Variants in ADIPOR1 observed in about 807,000 individuals in gnomAD.
ADIPOR1 encodes adiponectin receptor 1.
ADIPOR1 carries 15 observed loss-of-function variants against 37.5 expected under a neutral mutation model. The observed-to-expected ratio is 0.40, with a 90% CI of 0.27 to 0.62. The LOEUF (loss-of-function observed/expected upper bound fraction) is 0.62. Among genes scored for constraint, ADIPOR1 ranks in the 20% least tolerant of loss-of-function variants. ADIPOR1 has a pLI of 0.42. For missense variants in ADIPOR1, 286 were observed against 478.0 expected (o/e 0.60, Z 3.75); for synonymous variants, 173 against 173.2 (o/e 1.00, Z 0.01).
At chr1:202,944,430 C>G (rs903002855) in intron 5 of ADIPOR1, 7 of 154,148 alleles carry the variant, frequency 4.5e-5, no homozygotes, top group African/African-American at 1.7e-4. Flanking sequence ...TTAGAAAAAA[C>G]AAAATAATAC....
rs1248432262 is a variant in ADIPOR1, at chr1:202,941,335, T to C, written c.*238A>G. ...ACTGTCTCTGTGAGGGGCCGGTAGA[T>C]GCCTTGCTGAGGAGGGGATGGCTAA... is the stretch of plus-strand genomic sequence containing the variant. On this transcript the variant is annotated 3_prime_UTR_variant, in exon 8 of 8. Transcript: ENST00000340990. The C allele has an allele frequency of 2.8e-6, 1 of 360,624 alleles. No individual in the cohort carries two copies. The highest frequency in any genetic ancestry group is 5.0e-6 in the Non-Finnish European group (1 of 201,766). The allele number at this position is 360,624 out of a possible 1,614,324, so 22.3% of individuals were successfully genotyped here.
chr1:202,951,171 GAAAATA>G lies in ADIPOR1; in HGVS notation c.-94-13_-94-8del. ...CTCCCTCTGATGGTAGACACTAAAA[GAAAATA>G]CAAACATGAAGGATTGACAATTTAT... On this transcript the variant is annotated splice_region_variant and splice_polypyrimidine_tract_variant and intron_variant, in intron 1 of 7. Coordinates refer to ENST00000340990, the MANE Select transcript of ADIPOR1 (RefSeq NM_015999.6). The G allele has an allele frequency of 4.4e-5, 61 of 1,389,108 alleles. No individual in the cohort carries two copies. The highest frequency in any genetic ancestry group is 6.4e-5 in the South Asian group (5 of 78,376). The allele number at this position is 1,389,108 out of a possible 1,614,324, so 86.0% of individuals were successfully genotyped here.
In ADIPOR1 at chr1:202,944,123, A is replaced by C; in HGVS notation, c.618-178T>G. ...TTCTGGATTAAAATTCCACAAGGTCACTTCTATTTTACGATGGAAAAATCT... is the reference window on the plus strand; with the variant it reads ...TTCTGGATTAAAATTCCACAAGGTCCCTTCTATTTTACGATGGAAAAATCT... On this transcript the variant is annotated intron_variant, in intron 5 of 7. Coordinates refer to ENST00000340990, the MANE Select transcript of ADIPOR1 (RefSeq NM_015999.6). 3 of 567,016 alleles carry C rather than the reference A, an allele frequency of 5.3e-6. No individual in the cohort carries two copies. In the South Asian group the frequency reaches 9.5e-5, roughly 18 times the overall value. 35.1% of individuals were successfully genotyped at this position (567,016 alleles called of 1,614,324 possible). A position where few individuals can be genotyped will look rare whatever the true frequency, so the allele number is the denominator to read the frequency against.
At chr1:202,955,383 A>G (rs750662670) in intron 1 of ADIPOR1, among the ~76,000 whole-genome samples, 6 of 137,932 alleles carry the variant, frequency 4.3e-5, no homozygotes, top group Non-Finnish European at 9.4e-5. Context: ...ATGTGCCACC[A>G]TGCCCAGCTA....
chr1:202,953,831 C>T (rs781358461), intron 1 of ADIPOR1, among the ~76,000 whole-genome samples: 13 of 152,030 alleles, frequency 8.6e-5, no homozygotes, highest in Non-Finnish European at 1.5e-4. Flanking sequence ...GGGAGAGAAC[C>T]CCTCAACTAG....
intron 4 of ADIPOR1, 57 bp from the exon 5 acceptor site, chr1:202,945,226 G>A (rs1654260992): frequency 7.0e-7 from 1 of 1,437,312 alleles, no homozygotes; most frequent in Non-Finnish European, 9.3e-7. Flanking sequence ...TGTACACTTT[G>A]ATGGTTGATG....
At chr1:202,942,644 C>T (rs552044693) in intron 6 of ADIPOR1, among the ~76,000 whole-genome samples, 1 of 152,198 alleles carries the variant, frequency 6.6e-6, no homozygotes, top group Admixed American at 6.5e-5. Context: ...CCTGAGTAGA[C>T]AGATATACCC....
At chr1:202,949,310 G>A (rs1654462115) in intron 2 of ADIPOR1, among the ~76,000 whole-genome samples, 1 of 151,720 alleles carries the variant, frequency 6.6e-6, no homozygotes, top group African/African-American at 2.4e-5. Flanking sequence ...GCCGGGCGCG[G>A]TGGCTCACGC....
intron 4 of ADIPOR1, 61 bp from the exon 5 acceptor site, chr1:202,945,230 G>C: frequency 1.4e-6 from 2 of 1,388,382 alleles, no homozygotes; most frequent in African/African-American, 2.9e-5. Flanking sequence ...CACTTTGATG[G>C]TTGATGTTTT....
At chr1:202,947,559 A>C (rs1239397069) in intron 3 of ADIPOR1, among the ~76,000 whole-genome samples, 1 of 152,102 alleles carries the variant, frequency 6.6e-6, no homozygotes, top group Non-Finnish European at 1.5e-5. Context: ...CCTTTAGGCT[A>C]CTTGAAATTT....
At chr1:202,952,997 T>C (rs75114693) in intron 1 of ADIPOR1, among the ~76,000 whole-genome samples, 31,066 of 152,072 alleles carry the variant, frequency 0.2, 3,938 homozygotes, top group Non-Finnish European at 0.3. Context: ...TGTCAACACA[T>C]AGACAGTTCC....
intron 1 of ADIPOR1, among the ~76,000 whole-genome samples, chr1:202,951,894 C>G (rs1654590318): frequency 6.6e-6 from 1 of 152,190 alleles, no homozygotes; most frequent in Non-Finnish European, 1.5e-5. Flanking sequence ...ACACACATAC[C>G]TAATAACCAG....
chr1:202,953,003 G>A (rs1273382118), intron 1 of ADIPOR1, among the ~76,000 whole-genome samples: 1 of 152,154 alleles, frequency 6.6e-6, no homozygotes, highest in Admixed American at 6.5e-5. Flanking sequence ...CACATAGACA[G>A]TTCCTCTTCC....
At chr1:202,954,810 A>T (rs1654713826) in intron 1 of ADIPOR1, among the ~76,000 whole-genome samples, 1 of 152,172 alleles carries the variant, frequency 6.6e-6, no homozygotes, top group African/African-American at 2.4e-5. Context: ...TTAGCTGGAG[A>T]GTTATTTCAC....
chr1:202,944,412 T>C (rs1244593579), intron 5 of ADIPOR1: 1 of 154,558 alleles, frequency 6.5e-6, no homozygotes, highest in Non-Finnish European at 1.4e-5. Context: ...ACCTTCTTAC[T>C]GGTGTTGTTA....
At chr1:202,954,220 A>G (rs879164918) in intron 1 of ADIPOR1, 1 of 152,272 alleles carries the variant, frequency 6.6e-6, no homozygotes, top group Non-Finnish European at 1.5e-5. Context: ...AAAATATATC[A>G]TCATGCATTA....
intron 2 of ADIPOR1, among the ~76,000 whole-genome samples, chr1:202,950,364 A>G (rs1571567026): frequency 6.6e-6 from 1 of 152,036 alleles, no homozygotes; most frequent in East Asian, 2.0e-4. Context: ...ACTTGAGCCT[A>G]GGAGTTTAAG....
chr1:202,950,609 A>C (rs906960226), intron 2 of ADIPOR1, among the ~76,000 whole-genome samples: 2 of 152,070 alleles, frequency 1.3e-5, no homozygotes, highest in African/African-American at 4.8e-5. Flanking sequence ...CAAAACTGTA[A>C]GGATTTTTGT....
intron 1 of ADIPOR1, among the ~76,000 whole-genome samples, chr1:202,955,865 T>A (rs1654763973): frequency 6.6e-6 from 1 of 152,226 alleles, no homozygotes; most frequent in South Asian, 2.1e-4. Flanking sequence ...AACCTCCGCC[T>A]TCCAGGTTCA....
Sources: gnomAD v4.1 joint callset for allele counts (sites outside exome capture counted in the v4.1 genomes callset) on GRCh38, gnomAD v4.1.1 for gene constraint, MANE v1.5 for transcripts, NCBI Gene and HGNC (gene_info 2026-07-23, HGNC 2026-07-21) for gene names.